NLRP13: variants seen among roughly 807,000 people sequenced by gnomAD.
NLRP13 encodes the protein NACHT, LRR and PYD domains-containing protein 13.
NLRP13 carries 82 observed loss-of-function variants against 94.4 expected under a neutral mutation model. The observed-to-expected ratio is 0.87, with a 90% CI of 0.73 to 1.04. NLRP13 has a LOEUF of 1.04. Among genes scored for constraint, NLRP13 ranks in the 50% least tolerant of loss-of-function variants. The probability of loss-of-function intolerance (pLI) is 0.00; values close to 1 mark genes in which losing one functional copy is unlikely to be tolerated. For missense variants in NLRP13, 1,426 were observed against 1,230.8 expected (o/e 1.16, Z -2.37); for synonymous variants, 553 against 464.7 (o/e 1.19, Z -2.45).
chr19:55,918,558 A>C (rs1986732380), intron 4 of NLRP13, among the ~76,000 whole-genome samples: 1 of 152,068 alleles, frequency 6.6e-6, no homozygotes, highest in South Asian at 2.1e-4. Context: ...CAACTGAGCC[A>C]ACAGAAATAC....
chr19:55,930,471 A>G (rs1987084553), intron 1 of NLRP13, among the ~76,000 whole-genome samples: 1 of 152,092 alleles, frequency 6.6e-6, no homozygotes, highest in African/African-American at 2.4e-5. Context: ...AAATCACCTG[A>G]GGTCAGAAGT....
rs1292722010 is a variant in NLRP13, at chr19:55,912,380, T to C, written c.1437A>G (p.Gln479=). 6.2e-7 allele frequency: 1 copy of C among 1,614,104 alleles called. No individual in the cohort carries two copies. Among genetic ancestry groups the C allele is most frequent in the East Asian group, 2.2e-5 (1 of 44,874 alleles). Residue 479 remains glutamine (Q), a synonymous_variant, in exon 5 of 11, where the codon CAA becomes CAG. Transcript: ENST00000342929. ...VDLADDSWPG[Q]WRALCSLAIE... ...TGGCCAGACTGCAGAGGGCCCTCCA[T>C]TGTCCTGGCCAGCTGTCATCTGCCA... is the stretch of plus-strand genomic sequence containing the variant.
intron 1 of NLRP13, among the ~76,000 whole-genome samples, chr19:55,929,021 G>GA (rs1322994013): frequency 1.3e-5 from 2 of 152,106 alleles, no homozygotes; most frequent in Non-Finnish European, 2.9e-5. Flanking sequence ...CAACAAACAT[G>GA]AAAAAAAGCT....
intron 1 of NLRP13, among the ~76,000 whole-genome samples, chr19:55,928,949 C>A (rs992627040): frequency 7.2e-5 from 11 of 152,130 alleles, no homozygotes; most frequent in African/African-American, 1.9e-4. Flanking sequence ...AAAAAAAAAT[C>A]TCATCAAAAA....
intron 4 of NLRP13, among the ~76,000 whole-genome samples, chr19:55,914,185 G>A (rs1986621093): frequency 6.6e-6 from 1 of 152,178 alleles, no homozygotes; most frequent in African/African-American, 2.4e-5. Context: ...GCCAGTCACA[G>A]CACAAGGGCC....
At chr19:55,917,173 G>GA (rs1907215850) in intron 4 of NLRP13, among the ~76,000 whole-genome samples, 1 of 152,096 alleles carries the variant, frequency 6.6e-6, no homozygotes, top group Non-Finnish European at 1.5e-5. Context: ...AACACTGAGG[G>GA]AATTTGTCAC....
At chr19:55,898,744 C>T (rs1986083567) in intron 10 of NLRP13, 26 bp downstream of exon 10, 2 of 1,577,002 alleles carry the variant, frequency 1.3e-6, no homozygotes, top group African/African-American at 2.7e-5. Context: ...AAGGAAGACT[C>T]TGCAAGGAGA....
At chr19:55,911,577 C>T (rs1291280359) in intron 5 of NLRP13, 129 bp downstream of exon 5, 1 of 860,702 alleles carries the variant, frequency 1.2e-6, no homozygotes, top group African/African-American at 1.7e-5. Context: ...TAGAGCTGCT[C>T]CAGACCATTT....
At chr19:55,914,744 T>A (rs141376924) in intron 4 of NLRP13, among the ~76,000 whole-genome samples, 252 of 152,314 alleles carry the variant, frequency 1.7e-3, no homozygotes, top group Middle Eastern at 3.4e-3. Context: ...ATTTCACAAA[T>A]GATAGAATTT....
chr19:55,914,911 G>C (rs1351890212), intron 4 of NLRP13, among the ~76,000 whole-genome samples: 1 of 152,166 alleles, frequency 6.6e-6, no homozygotes, highest in African/African-American at 2.4e-5. Flanking sequence ...TTGACATACT[G>C]ATTTCTTCTT....
chr19:55,924,060 C>A, intron 3 of NLRP13, 81 bp from the exon 4 acceptor site: 1 of 1,074,770 alleles, frequency 9.3e-7, no homozygotes, highest in Non-Finnish European at 1.4e-6. Flanking sequence ...TCAGTAGAAC[C>A]AACTCTTTCT....
intron 4 of NLRP13, among the ~76,000 whole-genome samples, chr19:55,915,924 C>A (rs2163826): frequency 0.18 from 28,095 of 152,094 alleles, 2,849 homozygotes; most frequent in African/African-American, 0.26. Context: ...CTAACCTGCA[C>A]GTGTCATCTA....
At chr19:55,927,227 G>A (rs1302845428) in intron 1 of NLRP13, among the ~76,000 whole-genome samples, 1 of 151,814 alleles carries the variant, frequency 6.6e-6, no homozygotes, top group African/African-American at 2.4e-5. Context: ...AAATTAGCTG[G>A]GTGTGGTGGT....
intron 6 of NLRP13, among the ~76,000 whole-genome samples, chr19:55,909,038 A>C (rs906191239): frequency 6.6e-6 from 1 of 152,220 alleles, no homozygotes; most frequent in Non-Finnish European, 1.5e-5. Context: ...TAACTGGTTG[A>C]ATCAATGCAC....
intron 9 of NLRP13, among the ~76,000 whole-genome samples, chr19:55,900,577 C>G (rs1052084238): frequency 6.6e-6 from 1 of 151,060 alleles, no homozygotes; most frequent in Non-Finnish European, 1.5e-5. Context: ...TGAGACCATC[C>G]TGGCTAACAT....
Position 55,911,931 on chromosome 19 carries a change from G to C in NLRP13, c.1886C>G (p.Ala629Gly), listed in dbSNP as rs779358084. The change falls in exon 5 of 11, where the codon GCC becomes GGC. Residue 629 changes from alanine (A) to glycine (G), a missense_variant. By Grantham distance (60) the Ala-to-Gly change is moderately conservative. Coordinates refer to ENST00000342929, the MANE Select transcript of NLRP13 (RefSeq NM_176810.2). ...WGEELGKAES[A>G]SLQFHILRLF... Reference sequence around the variant, plus strand: ...TCGTAGAATGTGAAATTGGAGAGAGGCACTTTCAGCCTTACCTAACTCTTC... The same window carrying C: ...TCGTAGAATGTGAAATTGGAGAGAGCCACTTTCAGCCTTACCTAACTCTTC... The C allele has an allele frequency of 6.2e-7, 1 of 1,614,090 alleles. No homozygotes were observed. Among genetic ancestry groups the C allele is most frequent in the Non-Finnish European group, 8.5e-7 (1 of 1,179,994 alleles).
intron 4 of NLRP13, 129 bp from the exon 5 acceptor site, chr19:55,913,422 G>A (rs1986588854): frequency 2.8e-6 from 3 of 1,080,356 alleles, no homozygotes. Flanking sequence ...TTGTGGGAAT[G>A]CAGTGGTAGA....
In NLRP13 at chr19:55,912,584, C is replaced by T; in HGVS notation, c.1233G>A (p.Gln411=). The T allele has an allele frequency of 6.2e-7, 1 of 1,614,196 alleles. No homozygotes were observed. The highest frequency in any genetic ancestry group is 8.5e-7 in the Non-Finnish European group (1 of 1,180,042). ...DSSEVEKILQ[Q]LRKNETLFHS... ...GAAAGAGAGTTTCGTTTTTTCTTAGCTGCTGCAGGATTTTCTCAACTTCAC... is the reference window on the plus strand; with the variant it reads ...GAAAGAGAGTTTCGTTTTTTCTTAGTTGCTGCAGGATTTTCTCAACTTCAC... The change falls in exon 5 of 11, where the codon CAG becomes CAA. Residue 411 remains glutamine, a synonymous_variant. Transcript: ENST00000342929.
intron 9 of NLRP13, 70 bp from the exon 10 acceptor site, chr19:55,899,007 C>A: frequency 6.8e-7 from 1 of 1,478,412 alleles, no homozygotes; most frequent in Non-Finnish European, 9.1e-7. Flanking sequence ...TTTACAACTG[C>A]CCATCTCACG....
Sources: allele counts gnomAD v4.1 joint callset (sites outside exome capture counted in the v4.1 genomes callset), GRCh38; gene constraint gnomAD v4.1.1; transcripts MANE v1.5; gene names NCBI Gene and HGNC (gene_info 2026-07-23, HGNC 2026-07-21).